The following LMNA variants were observed in gnomAD, a reference collection of about 807,000 sequenced individuals.
The protein encoded by LMNA is lamin A/C.
Under a neutral mutation model 70.4 loss-of-function variants are expected in LMNA, and 20 were observed. The observed-to-expected ratio is 0.28, with a 90% CI of 0.20 to 0.41. The LOEUF (loss-of-function observed/expected upper bound fraction) is 0.41, where lower values mean the gene tolerates loss of function less well. Ranked by LOEUF, LMNA falls within the 10% of genes least tolerant of loss-of-function variation. The pLI, the probability that LMNA is intolerant of heterozygous loss-of-function variation, is 1.00. For missense variants in LMNA, 652 were observed against 917.2 expected, an observed-to-expected ratio of 0.71 and a Z score of 3.73; for synonymous variants, 339 against 372.8, an observed-to-expected ratio of 0.91 and a Z score of 1.04.
chr1:156,110,389 C>T (rs1649490369), upstream of LMNA, among the ~76,000 whole-genome samples: 1 of 152,108 alleles, frequency 6.6e-6, no homozygotes, highest in Non-Finnish European at 1.5e-5. Context: ...TCTGTAAAGC[C>T]CCTAAATCTT....
chr1:156,108,532 C>T (rs1380545920), intron 3 of LMNA, among the ~76,000 whole-genome samples: 2 of 152,046 alleles, frequency 1.3e-5, no homozygotes, highest in Non-Finnish European at 2.9e-5. Context: ...CCAGCACTTT[C>T]GGAGGCTGAG....
At chr1:156,094,776 T>A (rs1648853811) in intron 3 of LMNA, among the ~76,000 whole-genome samples, 1 of 151,782 alleles carries the variant, frequency 6.6e-6, no homozygotes, top group Non-Finnish European at 1.5e-5. Context: ...CTTTCTTTTT[T>A]TTTGATGGGG....
chr1:156,120,854 G>A (rs1391292919), intron 1 of LMNA, among the ~76,000 whole-genome samples: 1 of 152,090 alleles, frequency 6.6e-6, no homozygotes, highest in African/African-American at 2.4e-5. Flanking sequence ...CTGGGAGGCT[G>A]GTGATTCTTG....
intron 3 of LMNA, among the ~76,000 whole-genome samples, chr1:156,102,647 C>T (rs996825261): frequency 6.6e-6 from 1 of 152,170 alleles, no homozygotes; most frequent in Non-Finnish European, 1.5e-5. Flanking sequence ...CTCCTGGGCG[C>T]CTCTGGCCTC....
Position 156,136,500 on chromosome 1 carries a change from G to C in LMNA, c.1380+64G>C. On this transcript the variant is annotated intron_variant, in intron 7 of 11. Coordinates refer to ENST00000368300, the MANE Select transcript of LMNA (RefSeq NM_170707.4). The surrounding 1 kb of genome is among the most constrained non-coding windows in gnomAD (Gnocchi z 6.1). ...TCAGGGAGAGAGTGGCAAGACAGAA[G>C]GATGGCATGTGGAGAGAGGAACATC... 1 of 1,466,254 alleles carries C rather than the reference G, an allele frequency of 6.8e-7. No homozygotes were observed. The highest frequency in any genetic ancestry group is 9.3e-7 in the Non-Finnish European group (1 of 1,077,940). The allele number at this position is 1,466,254 out of a possible 1,614,324, so 90.8% of individuals were successfully genotyped here. A position where few individuals can be genotyped will look rare whatever the true frequency, so the allele number is the denominator to read the frequency against.
chr1:156,095,858 C>T (rs1181756713), intron 3 of LMNA, among the ~76,000 whole-genome samples: 1 of 152,250 alleles, frequency 6.6e-6, no homozygotes. Flanking sequence ...GAGGCACTTG[C>T]ATGCCCTTCC....
In LMNA at chr1:156,115,226, A is replaced by T; in HGVS notation, c.308A>T (p.Gln103Leu). 1 of 1,613,374 alleles carries T rather than the reference A, an allele frequency of 6.2e-7. No homozygotes were observed. The highest frequency in any genetic ancestry group is 8.5e-7 in the Non-Finnish European group (1 of 1,179,874). ...DSVAKERARLQLELSKVREEF... is the reference protein window; with the variant it reads ...DSVAKERARLLLELSKVREEF... ...GTAGCCAAGGAGCGCGCCCGCCTGC[A>T]GCTGGAGCTGAGCAAAGTGCGTGAG... is the stretch of plus-strand genomic sequence containing the variant. Residue 103 changes from glutamine to leucine, a missense_variant, in exon 1 of 12, where the codon CAG becomes CTG. This residue lies in a region of LMNA where 254 missense variants were observed against 421.9 expected (regional missense o/e 0.60). Transcript: ENST00000368300. This position sits in a 1 kb window ranked among gnomAD's most constrained non-coding sequence, Gnocchi z 5.8.
intron 3 of LMNA, among the ~76,000 whole-genome samples, chr1:156,100,186 T>C (rs1649093392): frequency 6.6e-6 from 1 of 152,156 alleles, no homozygotes; most frequent in Admixed American, 6.6e-5. Context: ...TTCTCCTCTA[T>C]AAAATGAGAA....
chr1:156,137,316 T>G lies in LMNA; in HGVS notation c.1608+84T>G. 6.6e-7 allele frequency: 1 copy of G among 1,525,788 alleles called. No homozygotes were observed. The highest frequency in any genetic ancestry group is 1.2e-5 in the South Asian group (1 of 83,274). The allele number at this position is 1,525,788 out of a possible 1,614,324, so 94.5% of individuals were successfully genotyped here. A position where few individuals can be genotyped will look rare whatever the true frequency, so the allele number is the denominator to read the frequency against. ...GGAGCCAGCTGCCCCCAACCCAAGTTTGCCAATTCAGGGCCCCTTTCTAGA... is the reference window on the plus strand; with the variant it reads ...GGAGCCAGCTGCCCCCAACCCAAGTGTGCCAATTCAGGGCCCCTTTCTAGA... On this transcript the variant is annotated intron_variant, in intron 9 of 11. Coordinates refer to ENST00000368300, the MANE Select transcript of LMNA (RefSeq NM_170707.4). The surrounding 1 kb of genome is among the most constrained non-coding windows in gnomAD (Gnocchi z 4.6).
intron 2 of LMNA, among the ~76,000 whole-genome samples, chr1:156,133,151 C>T (rs1400550944): frequency 1.3e-5 from 2 of 151,722 alleles, no homozygotes; most frequent in East Asian, 1.9e-4. Flanking sequence ...GACGTGTTCT[C>T]TCTATGTTGT....
intron 1 of LMNA, among the ~76,000 whole-genome samples, chr1:156,124,576 T>C (rs671728): frequency 0.1 from 15,892 of 152,140 alleles, 1,525 homozygotes; most frequent in African/African-American, 0.25. Context: ...CGTGAGCCAC[T>C]GCGCCCAGCC....
chr1:156,106,454 TCA>T (rs1649348845), intron 3 of LMNA, among the ~76,000 whole-genome samples: 1 of 152,034 alleles, frequency 6.6e-6, no homozygotes, highest in African/African-American at 2.4e-5. Flanking sequence ...ACACACAGAC[TCA>T]CACGCGGCCG....
At chr1:156,098,555 A>G (rs1649029159) in intron 3 of LMNA, among the ~76,000 whole-genome samples, 1 of 152,152 alleles carries the variant, frequency 6.6e-6, no homozygotes, top group Admixed American at 6.5e-5. Context: ...AAGACTTCTC[A>G]CATATGTATG....
intron 1 of LMNA, among the ~76,000 whole-genome samples, chr1:156,122,325 C>T (rs1005382213): frequency 6.6e-6 from 1 of 152,008 alleles, no homozygotes; most frequent in Non-Finnish European, 1.5e-5. Flanking sequence ...TCTCCAGAGA[C>T]CTTTTAGGTT....
upstream of LMNA, chr1:156,114,662 C>T: frequency 2.2e-6 from 1 of 450,090 alleles, no homozygotes; most frequent in Non-Finnish European, 3.9e-6. Flanking sequence ...GGCCCCTCCT[C>T]CCTTCAGAGG....
intron 2 of LMNA, among the ~76,000 whole-genome samples, chr1:156,087,082 A>T (rs933131455): frequency 6.6e-6 from 1 of 152,104 alleles, no homozygotes; most frequent in East Asian, 1.9e-4. Flanking sequence ...GGAGGGAGAC[A>T]CAGGAGGCTG....
rs1651325411 is a variant in LMNA at position 156,134,244 on chromosome 1, A to G, written c.514-159A>G. Among the ~76,000 whole-genome samples the G allele has an allele frequency of 6.6e-6, 1 of 152,146 alleles. No individual in the cohort carries two copies. Among genetic ancestry groups the G allele is most frequent in the Non-Finnish European group, 1.5e-5 (1 of 68,030 alleles). ...GCACAGTACCTACCAAGAGTGAGTG[A>G]GTAGATGTCCTGACCCCTGCAGGCA... On this transcript the variant is annotated intron_variant, in intron 2 of 11. Transcript: ENST00000368300. The surrounding 1 kb of genome is among the most constrained non-coding windows in gnomAD (Gnocchi z 5.3).
At position 156,138,939 on chromosome 1, in the gene LMNA, T is replaced by C; in HGVS notation, c.1969-141T>C. 2 of 1,280,708 alleles carry C rather than the reference T, an allele frequency of 1.6e-6. No individual in the cohort carries two copies. The highest frequency in any genetic ancestry group is 2.3e-6 in the Non-Finnish European group (2 of 887,288). 79.3% of individuals were successfully genotyped at this position (1,280,708 alleles called of 1,614,324 possible). ...ACCTCTGCATCCTGCCCCTCTTGTC[T>C]GAGCCCCAGACTGGAGGGCAGGGGC... On this transcript the variant is annotated intron_variant, in intron 11 of 11. Transcript: ENST00000368300. The surrounding 1 kb of genome is among the most constrained non-coding windows in gnomAD (Gnocchi z 5.5).
intron 1 of LMNA, chr1:156,126,472 T>A: frequency 1.6e-6 from 1 of 636,094 alleles, no homozygotes; most frequent in Non-Finnish European, 2.9e-6. Context: ...AGAGTTGGGC[T>A]GAGCAGGGTG....
Sources: gnomAD v4.1 joint callset for allele counts (sites outside exome capture counted in the v4.1 genomes callset) on GRCh38, gnomAD v4.1.1 for gene constraint, gnomAD v4.1.1 regional missense constraint, Gnocchi (gnomAD v3.1) non-coding constraint, MANE v1.5 for transcripts, NCBI Gene and HGNC (gene_info 2026-07-23, HGNC 2026-07-21) for gene names.